Variants in CNOT6 observed in about 807,000 individuals in gnomAD.
The protein encoded by CNOT6 is CCR4-NOT transcription complex subunit 6.
A neutral mutation model predicts 61.2 loss-of-function variants in CNOT6; 12 were observed. The observed-to-expected ratio is 0.20, with a 90% CI of 0.13 to 0.32. The LOEUF is 0.32. CNOT6 is among the 10% of genes least tolerant of loss of function. The pLI is 1.00. For synonymous variants in CNOT6, 225 were observed against 240.6 expected, an observed-to-expected ratio of 0.94 and a Z score of 0.60; for missense variants, 405 against 663.9, an observed-to-expected ratio of 0.61 and a Z score of 4.28.
chr5:180,572,470 A>C (rs1244114804), intron 11 of CNOT6, among the ~76,000 whole-genome samples: 1 of 151,690 alleles, frequency 6.6e-6, no homozygotes, highest in Non-Finnish European at 1.5e-5. Flanking sequence ...GATTACAGGC[A>C]TGAGCCACCG....
chr5:180,556,476 C>G (rs949488590), intron 4 of CNOT6, among the ~76,000 whole-genome samples: 1 of 152,202 alleles, frequency 6.6e-6, no homozygotes, highest in African/African-American at 2.4e-5. Flanking sequence ...CTGATTTGAT[C>G]ATTCCACAAT....
At chr5:180,505,773 C>G (rs572230144) in intron 1 of CNOT6, among the ~76,000 whole-genome samples, 1 of 152,106 alleles carries the variant, frequency 6.6e-6, no homozygotes, top group East Asian at 1.9e-4. Flanking sequence ...TAGTGTTGAT[C>G]TCCTGACCTT....
chr5:180,573,928 G>A, intron 11 of CNOT6, 60 bp from the exon 12 acceptor site: 1 of 1,135,714 alleles, frequency 8.8e-7, no homozygotes, highest in East Asian at 2.3e-5. Flanking sequence ...TGTCTTGAAA[G>A]CACTGAGGAT....
chr5:180,563,371 C>T (rs1042627235), intron 4 of CNOT6, among the ~76,000 whole-genome samples: 4 of 148,796 alleles, frequency 2.7e-5, no homozygotes, highest in Non-Finnish European at 3.0e-5. Flanking sequence ...CCCGCCACCA[C>T]GCCTGGCTGT....
At chr5:180,515,579 G>C (rs562112928) in intron 1 of CNOT6, among the ~76,000 whole-genome samples, 2 of 152,302 alleles carry the variant, frequency 1.3e-5, no homozygotes, top group African/African-American at 4.8e-5. Context: ...ATCGATGGCA[G>C]TGTGGGGAGG....
At chr5:180,547,388 C>T (rs144957715) in intron 2 of CNOT6, among the ~76,000 whole-genome samples, 2,879 of 151,894 alleles carry the variant, frequency 0.019, 37 homozygotes, top group Non-Finnish European at 0.027. Context: ...GGCGTGGTGG[C>T]GGGCGCCTGT....
chr5:180,545,318 C>A (rs1483073850), intron 2 of CNOT6, among the ~76,000 whole-genome samples: 2 of 152,184 alleles, frequency 1.3e-5, no homozygotes, highest in African/African-American at 4.8e-5. Flanking sequence ...TCCTGTTTCT[C>A]CATTCCTTCC....
intron 2 of CNOT6, among the ~76,000 whole-genome samples, chr5:180,531,414 A>G (rs1408138119): frequency 6.7e-6 from 1 of 149,078 alleles, no homozygotes; most frequent in Admixed American, 6.6e-5. Context: ...CGCTCCCCGC[A>G]TCTCAGACGA....
At chr5:180,562,303 A>T (rs1278871208) in intron 4 of CNOT6, among the ~76,000 whole-genome samples, 1 of 152,048 alleles carries the variant, frequency 6.6e-6, no homozygotes, top group East Asian at 1.9e-4. Flanking sequence ...TACTCCATCT[A>T]CCCTAAAGTA....
At chr5:180,506,332 A>G (rs1757130488) in intron 1 of CNOT6, among the ~76,000 whole-genome samples, 2 of 152,230 alleles carry the variant, frequency 1.3e-5, no homozygotes, top group Admixed American at 6.5e-5. Flanking sequence ...GGTTAAAATA[A>G]CAGTTGTGTC....
intron 1 of CNOT6, among the ~76,000 whole-genome samples, chr5:180,503,601 C>CT (rs56187510): frequency 0.024 from 1,580 of 66,056 alleles, 66 homozygotes; most frequent in Admixed American, 0.062. Context: ...GCCCTACTTC[C>CT]TTTTTTTTTT....
intron 1 of CNOT6, among the ~76,000 whole-genome samples, chr5:180,516,906 A>G (rs1757661280): frequency 6.6e-6 from 1 of 152,212 alleles, no homozygotes; most frequent in Admixed American, 6.5e-5. Flanking sequence ...CTAGTTTTCA[A>G]ATCAAGGTGT....
chr5:180,568,758 C>T lies in CNOT6; in HGVS notation c.1028-352C>T, dbSNP rs1302252330. Among the ~76,000 whole-genome samples, 3 of 152,004 alleles carry T rather than the reference C, an allele frequency of 2.0e-5. 1 individual carries two copies. Among genetic ancestry groups the T allele is most frequent in the East Asian group, 3.9e-4 (2 of 5,194 alleles). On this transcript the variant is annotated intron_variant, in intron 9 of 11. Transcript: ENST00000261951. ...TAGAAAAAATGGAAATAGGACTTAA[C>T]GATTGTCTTAAATCTAAGAAAGAGG...
At chr5:180,528,823 G>A (rs1336959249) in intron 1 of CNOT6, among the ~76,000 whole-genome samples, 2 of 152,082 alleles carry the variant, frequency 1.3e-5, no homozygotes, top group East Asian at 1.9e-4. Flanking sequence ...GTTTGTATCT[G>A]TCTTGTCCTG....
At chr5:180,546,147 G>A (rs1326720517) in intron 2 of CNOT6, among the ~76,000 whole-genome samples, 1 of 152,020 alleles carries the variant, frequency 6.6e-6, no homozygotes, top group Non-Finnish European at 1.5e-5. Context: ...ACCCGCCTCG[G>A]CCTCCCAAAG....
chr5:180,543,133 A>G (rs1759130106), intron 2 of CNOT6, among the ~76,000 whole-genome samples: 1 of 152,084 alleles, frequency 6.6e-6, no homozygotes, highest in African/African-American at 2.4e-5. Context: ...GTCTCTGGTC[A>G]CTGCAAGCTC....
chr5:180,548,561 G>T (rs1475228810), intron 2 of CNOT6, among the ~76,000 whole-genome samples: 3 of 152,316 alleles, frequency 2.0e-5, no homozygotes, highest in African/African-American at 7.2e-5. Context: ...CTCTACCTGG[G>T]ATTCCCCTCC....
rs1760908745 is a variant in CNOT6, at chr5:180,574,182, C to T, written c.1656C>T (p.His552=). 1.2e-6 allele frequency: 2 copies of T among 1,613,568 alleles called. No homozygotes were observed. Among genetic ancestry groups the T allele is most frequent in the Non-Finnish European group, 1.7e-6 (2 of 1,179,888 alleles). The change falls in exon 12 of 12, where the codon CAC becomes CAT. Residue 552 remains histidine, a synonymous_variant. Transcript: ENST00000261951. The part of the protein sequence containing the change: ...LPFLPQVNGI[H]LPGRR ...TCCTGCCCCAAGTCAACGGCATCCA[C>T]CTTCCTGGCAGGAGGTAGTCAAGCA...
intron 4 of CNOT6, among the ~76,000 whole-genome samples, chr5:180,564,240 A>T (rs966483034): frequency 6.6e-6 from 1 of 152,230 alleles, no homozygotes; most frequent in Non-Finnish European, 1.5e-5. Context: ...AGGGTCAGAT[A>T]TAGAGCACTG....
Sources: allele counts gnomAD v4.1 joint callset (sites outside exome capture counted in the v4.1 genomes callset), GRCh38; gene constraint gnomAD v4.1.1; transcripts MANE v1.5; gene names NCBI Gene and HGNC (gene_info 2026-07-23, HGNC 2026-07-21).